PTGS1: variants seen among roughly 807,000 people sequenced by gnomAD.
The protein encoded by PTGS1 is prostaglandin G/H synthase 1.
PTGS1 carries 40 observed loss-of-function variants against 63.0 expected under a neutral mutation model. The observed-to-expected ratio is 0.63, with a 90% confidence interval of 0.49 to 0.83. PTGS1 has a LOEUF of 0.83. Ranked by LOEUF, PTGS1 falls within the 40% of genes least tolerant of loss-of-function variation. The pLI, the probability that PTGS1 is intolerant of heterozygous loss-of-function variation, is 0.00. For synonymous variants in PTGS1, 298 were observed against 301.9 expected (o/e 0.99, Z 0.13); for missense variants, 709 against 786.5 (o/e 0.90, Z 1.18).
In PTGS1 at chr9:122,381,704, A is replaced by C. The variant is rs201831027; in HGVS notation, c.719A>C (p.Gln240Pro). Residue 240 changes from glutamine (Q) to proline (P), a missense_variant, in exon 7 of 11, where the codon CAG becomes CCG. By Grantham distance (76) the Gln-to-Pro change is moderately conservative (BLOSUM62 -1). Coordinates refer to ENST00000362012, the MANE Select transcript of PTGS1 (RefSeq NM_000962.4). ...ATTTATGGAGACAATCTGGAGCGTCAGTATCAACTGCGGCTCTTTAAGGAT... is the reference window on the plus strand; with the variant it reads ...ATTTATGGAGACAATCTGGAGCGTCCGTATCAACTGCGGCTCTTTAAGGAT... ...GHIYGDNLER[Q>P]YQLRLFKDGK... The C allele has an allele frequency of 6.2e-6, 10 of 1,614,224 alleles. No individual in the cohort carries two copies. The highest frequency in any genetic ancestry group is 7.6e-6 in the Non-Finnish European group (9 of 1,180,046).
At chr9:122,371,718 G>A in intron 2 of PTGS1, 1 of 1,508,042 alleles carries the variant, frequency 6.6e-7, no homozygotes, top group Non-Finnish European at 8.9e-7. Flanking sequence ...AGTGGAGAAG[G>A]TCTCCCCTGG....
At chr9:122,371,440 C>G (rs1298762016) in intron 2 of PTGS1, among the ~76,000 whole-genome samples, 168 bp downstream of exon 2, 1 of 152,244 alleles carries the variant, frequency 6.6e-6, no homozygotes, top group Non-Finnish European at 1.5e-5. Flanking sequence ...TGAAGCCCCC[C>G]CGGCGGTGTG....
chr9:122,374,584 T>A (rs893598281), intron 2 of PTGS1, among the ~76,000 whole-genome samples: 1 of 152,196 alleles, frequency 6.6e-6, no homozygotes, highest in Admixed American at 6.5e-5. Flanking sequence ...TGTCCTCCAC[T>A]GAGCATAGAA....
Position 122,377,959 on chromosome 9 carries a change from A to G in PTGS1, c.155A>G (p.Asp52Gly), listed in dbSNP as rs1588123639. Residue 52 changes from aspartate to glycine, a missense_variant, in exon 3 of 11, where the codon GAC (aspartate) becomes GGC (glycine). Asp to Gly is a moderately conservative substitution (Grantham distance 94, BLOSUM62 -1). Transcript: ENST00000362012. ...GGCATCTGTGTCCGCTTCGGCCTTGACCGCTACCAGTGTGACTGCACCCGC... is the reference window on the plus strand; with the variant it reads ...GGCATCTGTGTCCGCTTCGGCCTTGGCCGCTACCAGTGTGACTGCACCCGC... ...HQGICVRFGL[D>G]RYQCDCTRTG... is the part of the protein sequence containing the mutation. 1 of 1,613,798 alleles carries G rather than the reference A, an allele frequency of 6.2e-7. No individual in the cohort carries two copies. Among genetic ancestry groups the G allele is most frequent in the African/African-American group, 1.3e-5 (1 of 74,884 alleles).
chr9:122,391,808 A>G (rs919360928), intron 10 of PTGS1, among the ~76,000 whole-genome samples: 31 of 152,254 alleles, frequency 2.0e-4, no homozygotes, highest in African/African-American at 7.2e-4. Context: ...GGCTTGGCCC[A>G]GGCTAAGGTC....
rs201244156 is a variant in PTGS1 at position 122,383,567 on chromosome 9, A to G, written c.821A>G (p.Tyr274Cys). The change falls in exon 8 of 11, where the codon TAC becomes TGC. Residue 274 changes from tyrosine (Y) to cysteine (C), a missense_variant. Physicochemically the swap from Tyr to Cys is radical, Grantham distance 194 (BLOSUM62 -2). Coordinates refer to ENST00000362012, the MANE Select transcript of PTGS1 (RefSeq NM_000962.4). The part of the protein sequence containing the change: ...SVEEAPVLMH[Y>C]PRGIPPQSQM... Reference sequence around the variant, plus strand: ...GAAGAGGCGCCTGTGTTGATGCACTACCCCCGAGGCATCCCGCCCCAGAGC... The same window carrying G: ...GAAGAGGCGCCTGTGTTGATGCACTGCCCCCGAGGCATCCCGCCCCAGAGC... The G allele has an allele frequency of 9.2e-5, 148 of 1,613,544 alleles. No homozygotes were observed. Among genetic ancestry groups the G allele is most frequent in the Non-Finnish European group, 1.2e-4 (142 of 1,179,948 alleles).
chr9:122,376,972 G>A (rs1318062399), intron 2 of PTGS1, among the ~76,000 whole-genome samples: 1 of 152,172 alleles, frequency 6.6e-6, no homozygotes, highest in African/African-American at 2.4e-5. Flanking sequence ...GTTTCTCCAG[G>A]AGGCAGCAGG....
At chr9:122,383,818 C>T (rs552009191) in intron 8 of PTGS1, 63 bp downstream of exon 8, 673 of 1,568,904 alleles carry the variant, frequency 4.3e-4, no homozygotes, top group Non-Finnish European at 5.5e-4. Context: ...AAGTTGGGGG[C>T]GGGGGGGTAC....
At chr9:122,375,151 C>G (rs980291214) in intron 2 of PTGS1, among the ~76,000 whole-genome samples, 1 of 152,186 alleles carries the variant, frequency 6.6e-6, no homozygotes, top group African/African-American at 2.4e-5. Flanking sequence ...TGTTGTCCTT[C>G]CTGGGAGAAC....
chr9:122,391,145 T>C (rs7863496), intron 10 of PTGS1, among the ~76,000 whole-genome samples: 11,611 of 151,128 alleles, frequency 0.077, 1,372 homozygotes, highest in African/African-American at 0.26. Flanking sequence ...ATACCAAATC[T>C]CAGATGCCTC....
At chr9:122,384,666 C>A (rs751396618) in intron 8 of PTGS1, among the ~76,000 whole-genome samples, 16 of 152,270 alleles carry the variant, frequency 1.1e-4, no homozygotes, top group Non-Finnish European at 1.5e-4. Flanking sequence ...GAAGTGAACT[C>A]TCCAGGGACA....
At chr9:122,390,466 A>C in intron 10 of PTGS1, 121 bp downstream of exon 10, 6 of 1,166,188 alleles carry the variant, frequency 5.1e-6, no homozygotes, top group East Asian at 5.3e-5. Flanking sequence ...CAGACTTATA[A>C]TGGGCGTGGA....
At position 122,378,532 on chromosome 9, in the gene PTGS1, C is replaced by G; in HGVS notation, c.311C>G (p.Ala104Gly). 2 of 1,614,250 alleles carry G rather than the reference C, an allele frequency of 1.2e-6. No homozygotes were observed. Among genetic ancestry groups the G allele is most frequent in the Non-Finnish European group, 1.7e-6 (2 of 1,180,054 alleles). ...CGCTGGTTCTGGGAGTTTGTCAATG[C>G]CACCTTCATCCGAGAGATGCTCATG... ...HGRWFWEFVNATFIREMLMRL... is the reference protein window; with the variant it reads ...HGRWFWEFVNGTFIREMLMRL... Residue 104 changes from alanine to glycine, a missense_variant, in exon 4 of 11, where the codon GCC (alanine) becomes GGC (glycine). Physicochemically the swap from Ala to Gly is moderately conservative, Grantham distance 60 (BLOSUM62 0). Coordinates refer to ENST00000362012, the MANE Select transcript of PTGS1 (RefSeq NM_000962.4).
intron 7 of PTGS1, 102 bp downstream of exon 7, chr9:122,381,849 C>T (rs1837549091): frequency 8.1e-7 from 1 of 1,236,938 alleles, no homozygotes; most frequent in Non-Finnish European, 1.1e-6. Flanking sequence ...CTGAGAGGGC[C>T]AACCACGGGA....
intron 2 of PTGS1, 21 bp downstream of exon 2, chr9:122,371,293 C>G: frequency 6.2e-7 from 1 of 1,601,560 alleles, no homozygotes; most frequent in Non-Finnish European, 8.5e-7. Flanking sequence ...CCATCCCTCC[C>G]CAAGGGAATC....
At chr9:122,388,610 G>A (rs1190293610) in intron 9 of PTGS1, among the ~76,000 whole-genome samples, 4 of 152,300 alleles carry the variant, frequency 2.6e-5, no homozygotes, top group African/African-American at 7.2e-5. Context: ...GGGAAGCTCA[G>A]AGCAACAGAT....
At chr9:122,371,605 TCC>T in intron 2 of PTGS1, 1 of 1,430,406 alleles carries the variant, frequency 7.0e-7, no homozygotes. Flanking sequence ...CCCCGCTGTT[TCC>T]TATAGGGGCC....
At chr9:122,387,971 G>A (rs757162889) in intron 9 of PTGS1, among the ~76,000 whole-genome samples, 4 of 152,230 alleles carry the variant, frequency 2.6e-5, no homozygotes, top group Non-Finnish European at 4.4e-5. Flanking sequence ...ACTGAAATTA[G>A]CATTTGCTGC....
chr9:122,391,607 C>G (rs74980622), intron 10 of PTGS1, among the ~76,000 whole-genome samples: 4,357 of 151,084 alleles, frequency 0.029, 107 homozygotes, highest in South Asian at 0.11. Flanking sequence ...TATTTGTCTC[C>G]CCTTGGCCAC....
Sources: gnomAD v4.1 joint callset for allele counts (sites outside exome capture counted in the v4.1 genomes callset) on GRCh38, gnomAD v4.1.1 for gene constraint, MANE v1.5 for transcripts, NCBI Gene and HGNC (gene_info 2026-07-23, HGNC 2026-07-21) for gene names.